Variants in GRIN2A observed in about 807,000 individuals in gnomAD.
GRIN2A encodes the protein glutamate ionotropic receptor NMDA type subunit 2A.
Under a neutral mutation model 113.4 loss-of-function variants are expected in GRIN2A, and 22 were observed. The observed-to-expected ratio is 0.19, with a 90% CI of 0.14 to 0.28. The LOEUF is 0.28. Among genes scored for constraint, GRIN2A ranks in the 10% least tolerant of loss-of-function variants. GRIN2A has a pLI of 1.00. For missense variants in GRIN2A, 1,502 were observed against 1,887.0 expected, an observed-to-expected ratio of 0.80 and a Z score of 3.78; for synonymous variants, 827 against 738.4, an observed-to-expected ratio of 1.12 and a Z score of -1.94.
At chr16:10,111,729 G>C (rs568408546) in intron 2 of GRIN2A, 36 of 1,534,396 alleles carry the variant, frequency 2.3e-5, no homozygotes, top group Non-Finnish European at 3.1e-5. Flanking sequence ...GCTTCATCAC[G>C]GACCCCGTGG....
At chr16:10,044,825 T>A (rs1596458182) in intron 2 of GRIN2A, among the ~76,000 whole-genome samples, 1 of 151,968 alleles carries the variant, frequency 6.6e-6, no homozygotes, top group South Asian at 2.1e-4. Flanking sequence ...GGCAAGAAAT[T>A]GATTTTTTCA....
In GRIN2A at chr16:9,756,747, A is replaced by T. The variant is rs1397524115; in HGVS notation, c.*6402T>A. ...TTGATATTTTCAAATTCAGGTGCAG[A>T]TCCATGGCAAGTACTTGCGATAAGC... On this transcript the variant is annotated 3_prime_UTR_variant, in exon 13 of 13. Transcript: ENST00000330684. 2 of 183,482 alleles carry T rather than the reference A, an allele frequency of 1.1e-5. No individual in the cohort carries two copies. The highest frequency in any genetic ancestry group is 2.3e-5 in the Non-Finnish European group (2 of 86,390). The allele number at this position is 183,482 out of a possible 1,614,324, so 11.4% of individuals were successfully genotyped here. A position where few individuals can be genotyped will look rare whatever the true frequency, so the allele number is the denominator to read the frequency against.
intron 5 of GRIN2A, among the ~76,000 whole-genome samples, chr16:9,848,272 G>C (rs542826064): frequency 1.3e-5 from 2 of 150,918 alleles, no homozygotes; most frequent in Non-Finnish European, 3.0e-5. Context: ...CTGGAGTGTA[G>C]TGGCTCGATC....
At chr16:10,135,376 A>T (rs1034795442) in intron 2 of GRIN2A, among the ~76,000 whole-genome samples, 1 of 152,152 alleles carries the variant, frequency 6.6e-6, no homozygotes, top group African/African-American at 2.4e-5. Context: ...CTTCTCTAAC[A>T]TGTTTCTTAC....
intron 2 of GRIN2A, among the ~76,000 whole-genome samples, chr16:9,999,592 G>C (rs2046286367): frequency 1.3e-5 from 2 of 152,072 alleles, no homozygotes; most frequent in South Asian, 2.1e-4. Context: ...GGCCTGTCAG[G>C]GGTTGGGGGC....
chr16:9,966,165 C>T (rs956091657), intron 2 of GRIN2A, among the ~76,000 whole-genome samples: 9 of 152,292 alleles, frequency 5.9e-5, no homozygotes, highest in African/African-American at 1.9e-4. Context: ...AGATTTGTTA[C>T]ACAGGTAAAC....
At chr16:9,765,079 A>G in intron 12 of GRIN2A, 131 bp from the exon 13 acceptor site, 2 of 1,123,998 alleles carry the variant, frequency 1.8e-6, no homozygotes, top group South Asian at 1.3e-5. Flanking sequence ...AGCAAAATTC[A>G]GTCTGAATCC....
rs147837328 is a variant in GRIN2A at position 10,106,372 on chromosome 16, G to C, written c.414+73626C>G. On this transcript the variant is annotated intron_variant, in intron 2 of 12. Transcript: ENST00000330684. ...GACCAGGAATTCGAGACCAACCTGG[G>C]CAATATATTGAGACCCTGTCTCTAT... Among the ~76,000 whole-genome samples the C allele has an allele frequency of 8.8e-3, 1,342 of 151,790 alleles. 19 individuals carry two copies. The highest frequency in any genetic ancestry group is 0.031 in the African/African-American group (1,278 of 41,390).
intron 3 of GRIN2A, among the ~76,000 whole-genome samples, chr16:9,917,431 C>G (rs1444654132): frequency 1.3e-5 from 2 of 152,202 alleles, no homozygotes; most frequent in East Asian, 3.9e-4. Flanking sequence ...CTGCTGTCCA[C>G]TAACAATGTG....
At chr16:9,893,347 A>C (rs2043736029) in intron 3 of GRIN2A, among the ~76,000 whole-genome samples, 2 of 152,264 alleles carry the variant, frequency 1.3e-5, no homozygotes, top group African/African-American at 4.8e-5. Context: ...CAAATACTTT[A>C]ACAAACAGAA....
At chr16:9,937,642 T>C (rs898325256) in intron 3 of GRIN2A, 2 of 378,114 alleles carry the variant, frequency 5.3e-6, no homozygotes, top group African/African-American at 4.2e-5. Context: ...CAAATCTTTA[T>C]GAGTTACAAA....
intron 2 of GRIN2A, among the ~76,000 whole-genome samples, chr16:10,029,767 G>T (rs1031569634): frequency 1.3e-5 from 2 of 152,068 alleles, no homozygotes; most frequent in Admixed American, 6.5e-5. Context: ...GGCCGAAGGG[G>T]GTGTAGATCA....
chr16:9,760,139 C>T lies in GRIN2A; in HGVS notation c.*3010G>A. The stretch of plus-strand genomic sequence containing the variant: ...TTCAGAAATTTGGGCTCCTTGACAT[C>T]AACAAATCTAAGAACTCAGAGCTGG... On this transcript the variant is annotated 3_prime_UTR_variant, in exon 13 of 13. Coordinates refer to ENST00000330684, the MANE Select transcript of GRIN2A (RefSeq NM_001134407.3). 1 of 225,282 alleles carries T rather than the reference C, an allele frequency of 4.4e-6. No individual in the cohort carries two copies. 14.0% of individuals were successfully genotyped at this position (225,282 alleles called of 1,614,324 possible).
chr16:9,903,436 CA>C (rs1368650564), intron 3 of GRIN2A, among the ~76,000 whole-genome samples: 1 of 152,152 alleles, frequency 6.6e-6, no homozygotes, highest in Non-Finnish European at 1.5e-5. Context: ...TTGAGCACAG[CA>C]TGTTCACCAT....
At chr16:9,886,667 A>G (rs1387977452) in intron 4 of GRIN2A, among the ~76,000 whole-genome samples, 1 of 152,192 alleles carries the variant, frequency 6.6e-6, no homozygotes, top group Non-Finnish European at 1.5e-5. Context: ...AGGGCCTGGT[A>G]CACAGTAGGC....
chr16:9,949,152 T>C (rs1360799434), intron 2 of GRIN2A, among the ~76,000 whole-genome samples: 2 of 152,152 alleles, frequency 1.3e-5, no homozygotes, highest in Non-Finnish European at 2.9e-5. Flanking sequence ...TTGTCAATCG[T>C]CACCAGGTAT....
At chr16:10,078,956 C>T (rs1180404910) in intron 2 of GRIN2A, among the ~76,000 whole-genome samples, 34 of 152,200 alleles carry the variant, frequency 2.2e-4, no homozygotes, top group Admixed American at 2.2e-3. Flanking sequence ...TTTTCACCAG[C>T]CATGATCATG....
chr16:9,789,613 G>T (rs1234710247), intron 11 of GRIN2A, among the ~76,000 whole-genome samples: 1 of 151,612 alleles, frequency 6.6e-6, no homozygotes, highest in Non-Finnish European at 1.5e-5. Flanking sequence ...AATTAAGGAG[G>T]ACGCTTTTGA....
intron 2 of GRIN2A, among the ~76,000 whole-genome samples, chr16:10,158,816 G>A (rs1326458619): frequency 1.3e-5 from 2 of 152,198 alleles, no homozygotes. Context: ...TTGGAGTGAT[G>A]ATGTTCTGGA....
Sources: gnomAD v4.1 joint callset for allele counts (sites outside exome capture counted in the v4.1 genomes callset) on GRCh38, gnomAD v4.1.1 for gene constraint, MANE v1.5 for transcripts, NCBI Gene and HGNC (gene_info 2026-07-23, HGNC 2026-07-21) for gene names.